The following CCNF variants were observed in gnomAD, a reference collection of about 807,000 sequenced individuals.
CCNF encodes the protein cyclin-F.
In CCNF, 30 loss-of-function variants were observed where a neutral mutation model predicts 85.4. The ratio of observed to expected loss-of-function variants is 0.35; its 90% CI spans 0.26 to 0.48. The LOEUF is 0.48. Among genes scored for constraint, CCNF ranks in the 20% least tolerant of loss-of-function variants. The pLI is 0.99. For missense variants in CCNF, 919 were observed against 1,010.4 expected, an observed-to-expected ratio of 0.91 and a Z score of 1.23; for synonymous variants, 439 against 425.1, an observed-to-expected ratio of 1.03 and a Z score of -0.40.
At position 2,431,175 on chromosome 16, in the gene CCNF, G is replaced by A. The variant is rs200973445; in HGVS notation, c.62G>A (p.Arg21Gln). 5.6e-6 allele frequency: 9 copies of A among 1,613,992 alleles called. No individual in the cohort carries two copies. Among genetic ancestry groups the A allele is most frequent in the African/African-American group, 2.7e-5 (2 of 74,990 alleles). Residue 21 changes from arginine to glutamine, a missense_variant, in exon 2 of 17, where the codon CGA becomes CAA. By Grantham distance (43) the Arg-to-Gln change is conservative. Transcript: ENST00000397066. ...AAGTGTTTCTGTTATCCTACAAAGC[G>A]AAGAATAAGGAGGAGGCCCCGAAAC... ...CAKCFCYPTKRRIRRRPRNLT... is the reference protein window; with the variant it reads ...CAKCFCYPTKQRIRRRPRNLT...
intron 3 of CCNF, among the ~76,000 whole-genome samples, chr16:2,434,196 C>G (rs567799677): frequency 6.6e-6 from 1 of 152,156 alleles, no homozygotes; most frequent in Non-Finnish European, 1.5e-5. Flanking sequence ...GTCCCAGCTA[C>G]TCTGGAGGCT....
chr16:2,451,274 C>A lies in CCNF; in HGVS notation c.1487+1359C>A, dbSNP rs958854720. Among the ~76,000 whole-genome samples, 1 of 152,102 alleles carries A rather than the reference C, an allele frequency of 6.6e-6. No individual in the cohort carries two copies. Among genetic ancestry groups the A allele is most frequent in the Non-Finnish European group, 1.5e-5 (1 of 68,012 alleles). Reference sequence around the variant, plus strand: ...GGCGACTCCCTTCAGGGAGCGTAGCCGGGGTCACCTGGGCATCTGAGTCCA... The same window carrying A: ...GGCGACTCCCTTCAGGGAGCGTAGCAGGGGTCACCTGGGCATCTGAGTCCA... On this transcript the variant is annotated intron_variant, in intron 13 of 16. Coordinates refer to ENST00000397066, the MANE Select transcript of CCNF (RefSeq NM_001761.3). The surrounding 1 kb of genome is among the most constrained non-coding windows in gnomAD (Gnocchi z 4.3).
chr16:2,448,850 T>C lies in CCNF; in HGVS notation c.1095-5T>C. On this transcript the variant is annotated splice_region_variant and splice_polypyrimidine_tract_variant and intron_variant, in intron 10 of 16. Coordinates refer to ENST00000397066, the MANE Select transcript of CCNF (RefSeq NM_001761.3). The stretch of plus-strand genomic sequence containing the variant: ...CCACCCTGAGACCCCTTCTCGGCGT[T>C]GCAGGTTTATCAGTAAAGAGATCCT... The C allele has an allele frequency of 1.2e-6, 2 of 1,613,666 alleles. No homozygotes were observed. Among genetic ancestry groups the C allele is most frequent in the South Asian group, 2.2e-5 (2 of 91,062 alleles).
intron 8 of CCNF, among the ~76,000 whole-genome samples, chr16:2,443,158 A>T (rs59027174): frequency 1.5e-5 from 2 of 133,236 alleles, no homozygotes. Flanking sequence ...TATAATATAT[A>T]TTATATATAA....
At chr16:2,433,161 T>G (rs1053074877) in intron 3 of CCNF, 94 bp downstream of exon 3, 5 of 754,306 alleles carry the variant, frequency 6.6e-6, no homozygotes, top group Non-Finnish European at 6.8e-6. Flanking sequence ...GCAACGATTT[T>G]CCTGTTGCTG....
chr16:2,431,048 T>G (rs763420643), intron 1 of CCNF, 82 bp from the exon 2 acceptor site: 2 of 1,405,524 alleles, frequency 1.4e-6, no homozygotes, highest in Non-Finnish European at 2.0e-6. Flanking sequence ...GATGTAACTT[T>G]TATCCTTTTT....
chr16:2,435,272 G>GAAAA (rs796446094), intron 3 of CCNF, among the ~76,000 whole-genome samples: 1 of 122,504 alleles, frequency 8.2e-6, no homozygotes, highest in South Asian at 2.6e-4. Context: ...GAAAAGAAAA[G>GAAAA]AAAAAAAAAA....
At chr16:2,455,068 A>C (rs1447278730) in intron 15 of CCNF, among the ~76,000 whole-genome samples, 2 of 151,260 alleles carry the variant, frequency 1.3e-5, no homozygotes, top group African/African-American at 2.4e-5. Flanking sequence ...AAAAAAAAAA[A>C]AAAAAAAAAA....
rs1410723759 is a variant in CCNF, at chr16:2,435,625, ACACATATATATGCACAC to A, written c.279-180_279-164del. 6.5e-3 allele frequency among the ~76,000 whole-genome samples: 72 copies of A among 11,108 alleles called. No homozygotes were observed. In the African/African-American group the frequency reaches 0.13, roughly 21 times the overall value. The allele number at this position is 11,108 out of a possible 152,430, so 7.3% of individuals were successfully genotyped here. A position where few individuals can be genotyped will look rare whatever the true frequency, so the allele number is the denominator to read the frequency against. On this transcript the variant is annotated intron_variant, in intron 3 of 16. Coordinates refer to ENST00000397066, the MANE Select transcript of CCNF (RefSeq NM_001761.3). ...TATATATATATATGCACACACACAC[ACACATATATATGCACAC>A]ACATATATATATGCACACACACACA...
intron 1 of CCNF, among the ~76,000 whole-genome samples, 191 bp downstream of exon 1, chr16:2,429,688 C>T (rs895762337): frequency 1.3e-5 from 2 of 152,116 alleles, no homozygotes; most frequent in African/African-American, 4.8e-5. Context: ...TTTAAATGCC[C>T]GGCGGGCGCC....
rs4589553 is a variant in CCNF, at chr16:2,433,009, G to A, written c.220G>A (p.Ala74Thr). The A allele has an allele frequency of 1.7e-3, 2,708 of 1,611,484 alleles. 64 individuals are homozygous for A. In the South Asian group the frequency reaches 0.028, roughly 17 times the overall value. ...DLVDNHASVW[A>T]CASFQELWPS... ...GGTGGACAACCACGCCAGTGTGTGG[G>A]CATGTGCCAGCTTCCAGGAGCTGTG... Residue 74 changes from alanine (A) to threonine (T), a missense_variant, in exon 3 of 17, where the codon GCA (alanine) becomes ACA (threonine). This residue lies in a region of CCNF where 410 missense variants were observed against 478.6 expected (regional missense o/e 0.86). Transcript: ENST00000397066.
intron 3 of CCNF, 90 bp downstream of exon 3, chr16:2,433,157 A>ATT: frequency 1.3e-6 from 1 of 771,378 alleles, no homozygotes; most frequent in Non-Finnish European, 2.2e-6. Context: ...TTCAGCAACG[A>ATT]TTTTCCTGTT....
At chr16:2,444,754 G>C (rs2065352304) in intron 9 of CCNF, among the ~76,000 whole-genome samples, 1 of 152,054 alleles carries the variant, frequency 6.6e-6, no homozygotes, top group Admixed American at 6.6e-5. Context: ...ACACCACCAT[G>C]CACAGCTAAT....
At chr16:2,432,907 G>C (rs2065269783) in intron 2 of CCNF, 54 bp from the exon 3 acceptor site, 1 of 1,108,754 alleles carries the variant, frequency 9.0e-7, no homozygotes, top group South Asian at 1.3e-5. Context: ...CTCCAGGTGT[G>C]GGGCTTTTGG....
Position 2,450,009 on chromosome 16 carries a change from C to A in CCNF, c.1487+94C>A, listed in dbSNP as rs2065385725. ...ATCATTTGAGGTCAGGAGTTTGAGA[C>A]CAGCCTGGCCAACATGGTGAAACCC... On this transcript the variant is annotated intron_variant, in intron 13 of 16. Transcript: ENST00000397066. 6 of 859,492 alleles carry A rather than the reference C, an allele frequency of 7.0e-6. No individual in the cohort carries two copies. The Admixed American group carries it at 8.6e-5, about 12-fold the overall frequency. The allele number at this position is 859,492 out of a possible 1,614,324, so 53.2% of individuals were successfully genotyped here.
At chr16:2,440,992 G>A (rs557829888) in intron 8 of CCNF, among the ~76,000 whole-genome samples, 4 of 152,164 alleles carry the variant, frequency 2.6e-5, no homozygotes, top group Non-Finnish European at 5.9e-5. Context: ...CCAGCACTTT[G>A]GGAGGCTGAG....
At chr16:2,432,077 G>T (rs2065265791) in intron 2 of CCNF, among the ~76,000 whole-genome samples, 1 of 152,016 alleles carries the variant, frequency 6.6e-6, no homozygotes, top group South Asian at 2.1e-4. Flanking sequence ...TGATCCGCCC[G>T]CCTCGGCCTC....
At chr16:2,450,913 CTG>C (rs2065391396) in intron 13 of CCNF, among the ~76,000 whole-genome samples, 2 of 152,234 alleles carry the variant, frequency 1.3e-5, no homozygotes, top group Admixed American at 6.5e-5. Flanking sequence ...GAGCTATCCT[CTG>C]TCTCACTGAG....
At chr16:2,449,532 G>A (rs1379311568) in intron 12 of CCNF, 70 bp downstream of exon 12, 1 of 1,456,498 alleles carries the variant, frequency 6.9e-7, no homozygotes, top group African/African-American at 1.4e-5. Flanking sequence ...GCTGTGGGGA[G>A]GAAAAGAGTC....
Sources: gnomAD v4.1 joint callset for allele counts (sites outside exome capture counted in the v4.1 genomes callset) on GRCh38, gnomAD v4.1.1 for gene constraint, gnomAD v4.1.1 regional missense constraint, Gnocchi (gnomAD v3.1) non-coding constraint, MANE v1.5 for transcripts, NCBI Gene and HGNC (gene_info 2026-07-23, HGNC 2026-07-21) for gene names.